The following DLC1 variants were observed in gnomAD, a reference collection of about 807,000 sequenced individuals.
The protein encoded by DLC1 is rho GTPase-activating protein 7.
In DLC1, 54 loss-of-function variants were observed where a neutral mutation model predicts 140.3. The observed-to-expected ratio is 0.38, with a 90% CI of 0.31 to 0.48. The LOEUF is 0.48. Ranked by LOEUF, DLC1 falls within the 20% of genes least tolerant of loss-of-function variation. The probability of loss-of-function intolerance (pLI) is 0.96; values close to 1 mark genes in which losing one functional copy is unlikely to be tolerated. For synonymous variants in DLC1, 986 were observed against 728.1 expected, an observed-to-expected ratio of 1.35 and a Z score of -5.70; for missense variants, 2,536 against 1,907.0, an observed-to-expected ratio of 1.33 and a Z score of -6.14.
chr8:13,445,429 G>A (rs1006145705), intron 2 of DLC1, among the ~76,000 whole-genome samples: 1 of 152,150 alleles, frequency 6.6e-6, no homozygotes, highest in African/African-American at 2.4e-5. Context: ...AATCCTCACA[G>A]GGCTTATAAG....
intron 5 of DLC1, among the ~76,000 whole-genome samples, chr8:13,136,912 AAAG>A (rs1468493592): frequency 1.3e-5 from 2 of 152,234 alleles, no homozygotes; most frequent in Non-Finnish European, 2.9e-5. Flanking sequence ...CATCTTTAAA[AAAG>A]AAGGTTGTTA....
chr8:13,099,324 G>C, intron 9 of DLC1, 23 bp downstream of exon 9: 1 of 1,600,692 alleles, frequency 6.2e-7, no homozygotes. Flanking sequence ...CCCCACACCC[G>C]GAGGCAGGAG....
At chr8:13,155,110 A>C (rs1252755746) in intron 5 of DLC1, among the ~76,000 whole-genome samples, 1 of 148,540 alleles carries the variant, frequency 6.7e-6, no homozygotes. Flanking sequence ...ATTTCTATGC[A>C]AACTTTCTAC....
chr8:13,158,729 A>ACCCCCCCCCCCCCCCCCCCCCCCCC (rs1585799460), intron 5 of DLC1, among the ~76,000 whole-genome samples: 1 of 20,156 alleles, frequency 5.0e-5, no homozygotes. Context: ...CACAACCACC[A>ACCCCCCCCCCCCCCCCCCCCCCCCC]CCCTCCCCCC....
In DLC1 at chr8:13,091,364, G is replaced by A. The variant is rs762600901; in HGVS notation, c.3809C>T (p.Thr1270Ile). Residue 1270 changes from threonine (T) to isoleucine (I), a missense_variant, in exon 14 of 18, where the codon ACT (threonine) becomes ATT (isoleucine). Coordinates refer to ENST00000276297, the MANE Select transcript of DLC1 (RefSeq NM_182643.3). Reference protein sequence around the residue: ...QKDLNENLAATQGLAHMIAEC... With the variant: ...QKDLNENLAAIQGLAHMIAEC... ...GGCGATCATATGGGCCAGCCCTTGAGTGGCAGCTAGGTTTTCATTCAAATC... is the reference window on the plus strand; with the variant it reads ...GGCGATCATATGGGCCAGCCCTTGAATGGCAGCTAGGTTTTCATTCAAATC... 3.1e-6 allele frequency: 5 copies of A among 1,614,174 alleles called. No individual in the cohort carries two copies. The highest frequency in any genetic ancestry group is 1.3e-5 in the African/African-American group (1 of 75,048).
intron 4 of DLC1, among the ~76,000 whole-genome samples, chr8:13,344,663 C>T (rs1041314043): frequency 3.6e-4 from 55 of 152,122 alleles, no homozygotes; most frequent in Admixed American, 3.6e-3. Flanking sequence ...TGAAGTGGTG[C>T]ATAAGGCTAG....
At chr8:13,214,407 T>A (rs575666394) in intron 5 of DLC1, 2 of 434,166 alleles carry the variant, frequency 4.6e-6, no homozygotes, top group South Asian at 1.0e-4. Context: ...CTCTCCTATT[T>A]GCTTGGTCTG....
At chr8:13,561,649 C>G (rs764493763) in intron 1 of DLC1, among the ~76,000 whole-genome samples, 1 of 152,034 alleles carries the variant, frequency 6.6e-6, no homozygotes, top group Non-Finnish European at 1.5e-5. Flanking sequence ...CATTTACCTG[C>G]TTATCTACCT....
chr8:13,491,539 C>T (rs948869690), intron 2 of DLC1, among the ~76,000 whole-genome samples: 4 of 151,974 alleles, frequency 2.6e-5, no homozygotes, highest in Non-Finnish European at 5.9e-5. Flanking sequence ...TCCTTTTCTA[C>T]ACTCATCCTT....
intron 5 of DLC1, among the ~76,000 whole-genome samples, chr8:13,136,388 T>G (rs1052874720): frequency 6.6e-6 from 1 of 152,144 alleles, no homozygotes. Context: ...TTTATGTCCA[T>G]GAGTACTCAG....
At chr8:13,556,478 C>T (rs569453994) in intron 1 of DLC1, among the ~76,000 whole-genome samples, 10 of 152,282 alleles carry the variant, frequency 6.6e-5, no homozygotes, top group African/African-American at 1.7e-4. Context: ...TTTGAATACC[C>T]GGCAGGGGGT....
At chr8:13,162,266 G>A (rs143728858) in intron 5 of DLC1, among the ~76,000 whole-genome samples, 3 of 152,226 alleles carry the variant, frequency 2.0e-5, no homozygotes, top group Non-Finnish European at 2.9e-5. Context: ...ATATCGAAAT[G>A]AAAGCAGTTG....
chr8:13,393,981 C>T (rs1212738031), intron 3 of DLC1, among the ~76,000 whole-genome samples: 1 of 151,960 alleles, frequency 6.6e-6, no homozygotes, highest in Non-Finnish European at 1.5e-5. Context: ...TAGCTAGGGC[C>T]CTGCAGAGAA....
intron 4 of DLC1, among the ~76,000 whole-genome samples, chr8:13,370,212 G>T (rs983939991): frequency 6.6e-6 from 1 of 151,888 alleles, no homozygotes; most frequent in African/African-American, 2.4e-5. Flanking sequence ...TAAAGGCAAT[G>T]AATATTTTAC....
chr8:13,303,758 C>A (rs1832305916), intron 5 of DLC1, among the ~76,000 whole-genome samples: 1 of 152,078 alleles, frequency 6.6e-6, no homozygotes, highest in African/African-American at 2.4e-5. Context: ...GCCAAGATCA[C>A]ACCACTGTGC....
intron 1 of DLC1, among the ~76,000 whole-genome samples, chr8:13,522,165 C>A (rs1008290332): frequency 6.6e-6 from 1 of 152,234 alleles, no homozygotes; most frequent in African/African-American, 2.4e-5. Context: ...TGGGGTATGG[C>A]ATCAGGAGCT....
intron 5 of DLC1, among the ~76,000 whole-genome samples, chr8:13,186,864 T>A (rs1306148252): frequency 6.6e-6 from 1 of 152,254 alleles, no homozygotes; most frequent in Non-Finnish European, 1.5e-5. Flanking sequence ...TTGATGTTGA[T>A]GCTATTCCTT....
intron 5 of DLC1, among the ~76,000 whole-genome samples, chr8:13,161,123 A>G (rs993355877): frequency 6.6e-6 from 1 of 152,172 alleles, no homozygotes; most frequent in Non-Finnish European, 1.5e-5. Flanking sequence ...TAGGCCTACA[A>G]AAGATTATCC....
At chr8:13,552,131 A>ATATATATATATATATATC in intron 1 of DLC1, among the ~76,000 whole-genome samples, 1 of 132,940 alleles carries the variant, frequency 7.5e-6, no homozygotes, top group Non-Finnish European at 1.6e-5. Flanking sequence ...ATATATATAT[A>ATATATATATATATATATC]TATATATATA....
Sources: gnomAD v4.1 joint callset for allele counts (sites outside exome capture counted in the v4.1 genomes callset) on GRCh38, gnomAD v4.1.1 for gene constraint, MANE v1.5 for transcripts, NCBI Gene and HGNC (gene_info 2026-07-23, HGNC 2026-07-21) for gene names.